The following RBMS1 variants were observed in gnomAD, a reference collection of about 807,000 sequenced individuals.
RBMS1 encodes the protein RNA-binding motif, single-stranded-interacting protein 1.
In RBMS1, 17 loss-of-function variants were observed where a neutral mutation model predicts 62.3. That is an observed-to-expected ratio of 0.27 (90% CI 0.19 to 0.41). The LOEUF (loss-of-function observed/expected upper bound fraction) is 0.41. Among genes scored for constraint, RBMS1 ranks in the 10% least tolerant of loss-of-function variants. The pLI, the probability that RBMS1 is intolerant of heterozygous loss-of-function variation, is 1.00. For missense variants in RBMS1, 334 were observed against 504.5 expected (o/e 0.66, Z 3.24); for synonymous variants, 172 against 170.0 (o/e 1.01, Z -0.09).
rs187142276 is a variant in RBMS1, at chr2:160,429,245, A to G, written c.76-61854T>C. ...GTCTCCTTTCTTCCTTTTTTTTCATATAATATGATCAATGTTTCTTGGAAA... is the reference window on the plus strand; with the variant it reads ...GTCTCCTTTCTTCCTTTTTTTTCATGTAATATGATCAATGTTTCTTGGAAA... On this transcript the variant is annotated intron_variant, in intron 1 of 13. Transcript: ENST00000348849. Among the ~76,000 whole-genome samples the G allele has an allele frequency of 4.2e-3, 638 of 152,214 alleles. 5 individuals are homozygous for G. The highest frequency in any genetic ancestry group is 3.4e-3 in the Non-Finnish European group (230 of 67,996).
intron 1 of RBMS1, among the ~76,000 whole-genome samples, chr2:160,410,687 G>A (rs1282976494): frequency 6.6e-6 from 1 of 152,218 alleles, no homozygotes; most frequent in Non-Finnish European, 1.5e-5. Flanking sequence ...ACAGTCCAGA[G>A]AGACTGCAAG....
chr2:160,361,147 A>G (rs563131214), intron 2 of RBMS1, among the ~76,000 whole-genome samples: 1 of 152,348 alleles, frequency 6.6e-6, no homozygotes, highest in East Asian at 1.9e-4. Flanking sequence ...AAAAGACGCA[A>G]AGAGTAGAGA....
chr2:160,378,855 C>T (rs75927901), intron 1 of RBMS1, among the ~76,000 whole-genome samples: 5 of 152,198 alleles, frequency 3.3e-5, no homozygotes. Flanking sequence ...GTGAACTCCA[C>T]TGTTTGCTTC....
chr2:160,424,371 G>T lies in RBMS1; in HGVS notation c.76-56980C>A, dbSNP rs973881671. Among the ~76,000 whole-genome samples the T allele has an allele frequency of 8.0e-5, 12 of 150,884 alleles. 1 individual carries two copies. The highest frequency in any genetic ancestry group is 5.9e-4 in the East Asian group (3 of 5,094). On this transcript the variant is annotated intron_variant, in intron 1 of 13. Coordinates refer to ENST00000348849, the MANE Select transcript of RBMS1 (RefSeq NM_016836.4). Reference sequence around the variant, plus strand: ...TAAGCCAGAGGTGAGAGATTGGGGGGGGGGGGAAACAAAAAGAAAGATGTC... The same window carrying T: ...TAAGCCAGAGGTGAGAGATTGGGGGTGGGGGGAAACAAAAAGAAAGATGTC...
intron 1 of RBMS1, among the ~76,000 whole-genome samples, chr2:160,368,643 AT>A (rs1693547517): frequency 6.6e-6 from 1 of 151,900 alleles, no homozygotes; most frequent in Non-Finnish European, 1.5e-5. Flanking sequence ...ATTTATTTTT[AT>A]TTTTTATTAT....
chr2:160,317,126 T>C (rs55743010), intron 3 of RBMS1, among the ~76,000 whole-genome samples: 7,807 of 152,250 alleles, frequency 0.051, 289 homozygotes, highest in African/African-American at 0.1. Context: ...AGCTTAGCTA[T>C]TTGCTACAAT....
In RBMS1 at chr2:160,295,055, G is replaced by A. The variant is rs1364841317; in HGVS notation, c.640+5596C>T. Among the ~76,000 whole-genome samples the A allele has an allele frequency of 4.6e-5, 7 of 151,932 alleles. No individual in the cohort carries two copies. In the East Asian group the frequency reaches 1.2e-3, roughly 25 times the overall value. ...AAAAAGAAAAAAGAAGTCTAGAGAA[G>A]TTGAAAACTCTTTCACATTCTTTGT... is the stretch of plus-strand genomic sequence containing the variant. On this transcript the variant is annotated intron_variant, in intron 6 of 13. Coordinates refer to ENST00000348849, the MANE Select transcript of RBMS1 (RefSeq NM_016836.4).
chr2:160,313,061 A>G (rs1690017845), intron 4 of RBMS1, 95 bp downstream of exon 4: 1 of 1,177,304 alleles, frequency 8.5e-7, no homozygotes, highest in Non-Finnish European at 1.2e-6. Flanking sequence ...AGTGGGATGA[A>G]GGGGAGATTA....
At chr2:160,380,888 T>C (rs1180559940) in intron 1 of RBMS1, among the ~76,000 whole-genome samples, 1 of 152,196 alleles carries the variant, frequency 6.6e-6, no homozygotes, top group Non-Finnish European at 1.5e-5. Context: ...ATTGCTCAAA[T>C]TAAAACATCA....
chr2:160,380,215 G>A (rs1468939649), intron 1 of RBMS1, among the ~76,000 whole-genome samples: 1 of 152,098 alleles, frequency 6.6e-6, no homozygotes, highest in East Asian at 1.9e-4. Context: ...TGCCTAAGTG[G>A]AAACTGGCTT....
intron 1 of RBMS1, among the ~76,000 whole-genome samples, chr2:160,456,227 A>T (rs1362264920): frequency 1.3e-5 from 2 of 152,318 alleles, no homozygotes; most frequent in South Asian, 4.1e-4. Flanking sequence ...CACACACTAC[A>T]TGTTAGGTAC....
At chr2:160,406,727 A>C (rs1284590090) in intron 1 of RBMS1, among the ~76,000 whole-genome samples, 1 of 152,218 alleles carries the variant, frequency 6.6e-6, no homozygotes, top group African/African-American at 2.4e-5. Flanking sequence ...AAGATGAAAA[A>C]CAAAAGGCCT....
intron 1 of RBMS1, among the ~76,000 whole-genome samples, chr2:160,475,184 A>C (rs774940632): frequency 6.6e-6 from 1 of 152,238 alleles, no homozygotes; most frequent in African/African-American, 2.4e-5. Flanking sequence ...AAAGAAATGA[A>C]ACTATCCATT....
intron 2 of RBMS1, among the ~76,000 whole-genome samples, chr2:160,330,952 A>G (rs1691232619): frequency 2.6e-5 from 4 of 152,194 alleles, no homozygotes; most frequent in African/African-American, 9.6e-5. Context: ...ATGTGAACAG[A>G]GACACATGGG....
rs373909477 is a variant in RBMS1, at chr2:160,481,358, T to TAAA, written c.75+11928_75+11930dup. On this transcript the variant is annotated intron_variant, in intron 1 of 13. Coordinates refer to ENST00000348849, the MANE Select transcript of RBMS1 (RefSeq NM_016836.4). The stretch of plus-strand genomic sequence containing the variant: ...AAAACACAGCTTCTAGTAGGAAATG[T>TAAA]AAAAAAAAAAAAGAAAAAAATTCAC... Among the ~76,000 whole-genome samples the TAAA allele has an allele frequency of 5.5e-5, 7 of 127,074 alleles. 1 individual carries two copies. The highest frequency in any genetic ancestry group is 8.7e-5 in the African/African-American group (3 of 34,606). 83.4% of individuals were successfully genotyped at this position (127,074 alleles called of 152,430 possible).
At chr2:160,382,428 G>A (rs1320709317) in intron 1 of RBMS1, among the ~76,000 whole-genome samples, 1 of 152,170 alleles carries the variant, frequency 6.6e-6, no homozygotes, top group Non-Finnish European at 1.5e-5. Context: ...ACCAGGGACA[G>A]TAGACAAATT....
chr2:160,322,415 C>T (rs192038346), intron 2 of RBMS1, among the ~76,000 whole-genome samples: 8 of 152,246 alleles, frequency 5.3e-5, no homozygotes, highest in Admixed American at 2.6e-4. Context: ...GAAATAAACA[C>T]GTGGCTTATG....
intron 1 of RBMS1, among the ~76,000 whole-genome samples, chr2:160,467,687 C>T (rs768516973): frequency 6.6e-6 from 1 of 152,074 alleles, no homozygotes; most frequent in South Asian, 2.1e-4. Flanking sequence ...TCTAAAATGC[C>T]ATCAACAGTA....
In RBMS1 at chr2:160,277,451, T is replaced by C. The variant is rs371578135; in HGVS notation, c.1063-68A>G. 6.1e-5 allele frequency: 71 copies of C among 1,158,594 alleles called. No homozygotes were observed. The African/African-American group carries it at 9.9e-4, about 16-fold the overall frequency. 71.8% of individuals were successfully genotyped at this position (1,158,594 alleles called of 1,614,324 possible). ...GCAAAATTTGGAGTACGTGGGGGGA[T>C]TGTGAGATGGATATAATGTATTTGG... On this transcript the variant is annotated intron_variant, in intron 11 of 13. Coordinates refer to ENST00000348849, the MANE Select transcript of RBMS1 (RefSeq NM_016836.4).
Sources: gnomAD v4.1 joint callset for allele counts (sites outside exome capture counted in the v4.1 genomes callset) on GRCh38, gnomAD v4.1.1 for gene constraint, MANE v1.5 for transcripts, NCBI Gene and HGNC (gene_info 2026-07-23, HGNC 2026-07-21) for gene names.